Variants in NIPAL3 observed in about 807,000 individuals in gnomAD.
NIPAL3 encodes the protein NIPA like domain containing 3.
NIPAL3 carries 41 observed loss-of-function variants against 47.2 expected under a neutral mutation model. The observed-to-expected ratio is 0.87, with a 90% CI of 0.68 to 1.13. NIPAL3 has a LOEUF of 1.13. NIPAL3 is among the 50% of genes most tolerant of loss of function. NIPAL3 has a pLI of 0.00. For missense variants in NIPAL3, 449 were observed against 530.1 expected, an observed-to-expected ratio of 0.85 and a Z score of 1.50; for synonymous variants, 194 against 209.6, an observed-to-expected ratio of 0.93 and a Z score of 0.64.
At position 24,451,034 on chromosome 1, in the gene NIPAL3, GTGGCCT is replaced by G. The variant is rs1169235672; in HGVS notation, c.540+1410_540+1415del. Reference sequence around the variant, plus strand: ...AAGCCCAAGACTTCCTAAGTGCTGTGTGGCCTTAGCCAAGTCGCTTTCCTTCTCTGT... The same window carrying G: ...AAGCCCAAGACTTCCTAAGTGCTGTGTAGCCAAGTCGCTTTCCTTCTCTGT... On this transcript the variant is annotated intron_variant, in intron 6 of 11. Coordinates refer to ENST00000374399, the MANE Select transcript of NIPAL3 (RefSeq NM_020448.5). The surrounding 1 kb of genome is among the most constrained non-coding windows in gnomAD (Gnocchi z 4.5). Among the ~76,000 whole-genome samples the G allele has an allele frequency of 6.6e-6, 1 of 152,252 alleles. No homozygotes were observed. Among genetic ancestry groups the G allele is most frequent in the East Asian group, 1.9e-4 (1 of 5,200 alleles).
In NIPAL3 at chr1:24,416,419, G is replaced by T. The variant is rs1644038127; in HGVS notation, c.-258+515G>T. ...ACCTCCAGAAGCCAGATCGTCGGGTGGTGGGAAAGAGCGTGTTTTATTGAT... is the reference window on the plus strand; with the variant it reads ...ACCTCCAGAAGCCAGATCGTCGGGTTGTGGGAAAGAGCGTGTTTTATTGAT... On this transcript the variant is annotated intron_variant, in intron 1 of 11. Transcript: ENST00000374399. This position sits in a 1 kb window ranked among gnomAD's most constrained non-coding sequence, Gnocchi z 4.8. The T allele has an allele frequency of 1.2e-6, 1 of 804,576 alleles. No individual in the cohort carries two copies. Among genetic ancestry groups the T allele is most frequent in the Non-Finnish European group, 1.5e-6 (1 of 664,782 alleles). 49.8% of individuals were successfully genotyped at this position (804,576 alleles called of 1,614,324 possible).
chr1:24,416,144 A>G lies in NIPAL3; in HGVS notation c.-258+240A>G, dbSNP rs923165018. 6.5e-5 allele frequency: 64 copies of G among 985,472 alleles called. No homozygotes were observed. The Middle Eastern group carries it at 2.1e-3, about 32-fold the overall frequency. 61.0% of individuals were successfully genotyped at this position (985,472 alleles called of 1,614,324 possible). ...GATGCCAGGCTCTACCAAACCAGGA[A>G]GTGACATGGAGTTAACTTTGCCAGA... On this transcript the variant is annotated intron_variant, in intron 1 of 11. Transcript: ENST00000374399. The surrounding 1 kb of genome is among the most constrained non-coding windows in gnomAD (Gnocchi z 4.8).
intron 2 of NIPAL3, among the ~76,000 whole-genome samples, chr1:24,435,850 T>C (rs1645078027): frequency 6.6e-6 from 1 of 152,124 alleles, no homozygotes; most frequent in South Asian, 2.1e-4. Flanking sequence ...TGTAACAAAA[T>C]ACCATAAACT....
chr1:24,422,623 A>C (rs1644384429), intron 2 of NIPAL3, among the ~76,000 whole-genome samples: 1 of 152,182 alleles, frequency 6.6e-6, no homozygotes, highest in Admixed American at 6.5e-5. Flanking sequence ...GGTAAATCAG[A>C]TAATCAGCCA....
In NIPAL3 at chr1:24,454,416, G is replaced by A; in HGVS notation, c.637+912G>A. On this transcript the variant is annotated intron_variant, in intron 7 of 11. Transcript: ENST00000374399. This position sits in a 1 kb window ranked among gnomAD's most constrained non-coding sequence, Gnocchi z 4.1. Reference sequence around the variant, plus strand: ...ACATCCAAGTCACGGAAGGGAGTGGGGGTTAAATGAGATGTGCACAGGTGG... The same window carrying A: ...ACATCCAAGTCACGGAAGGGAGTGGAGGTTAAATGAGATGTGCACAGGTGG... The A allele has an allele frequency of 9.7e-7, 1 of 1,030,314 alleles. No homozygotes were observed. Among genetic ancestry groups the A allele is most frequent in the South Asian group, 3.5e-5 (1 of 28,910 alleles). The allele number at this position is 1,030,314 out of a possible 1,614,324, so 63.8% of individuals were successfully genotyped here.
chr1:24,452,138 G>T (rs1227438335), intron 6 of NIPAL3, among the ~76,000 whole-genome samples: 1 of 152,206 alleles, frequency 6.6e-6, no homozygotes, highest in Non-Finnish European at 1.5e-5. Context: ...TTCTGCTTTA[G>T]TTGCACTGGG....
chr1:24,448,318 C>T (rs1225951121), intron 5 of NIPAL3, among the ~76,000 whole-genome samples: 3 of 152,144 alleles, frequency 2.0e-5, no homozygotes, highest in Admixed American at 2.0e-4. Context: ...TTTTCACCAA[C>T]CTTACAGAGT....
intron 2 of NIPAL3, among the ~76,000 whole-genome samples, chr1:24,428,299 A>T (rs34745558): frequency 6.9e-6 from 1 of 145,012 alleles, no homozygotes; most frequent in Non-Finnish European, 1.5e-5. Context: ...AGAGAGAGAG[A>T]GAGACACCAG....
Position 24,469,993 on chromosome 1 carries a change from A to T in NIPAL3, c.*808A>T, listed in dbSNP as rs1475370173. On this transcript the variant is annotated 3_prime_UTR_variant, in exon 12 of 12. Coordinates refer to ENST00000374399, the MANE Select transcript of NIPAL3 (RefSeq NM_020448.5). ...AGGTGATTGCACCACTTAAAAAAGGATAGGTAGAAAATCTGGCCATTTTAT... is the reference window on the plus strand; with the variant it reads ...AGGTGATTGCACCACTTAAAAAAGGTTAGGTAGAAAATCTGGCCATTTTAT... 6.6e-6 allele frequency: 1 copy of T among 152,198 alleles called. No individual in the cohort carries two copies. The highest frequency in any genetic ancestry group is 1.5e-5 in the Non-Finnish European group (1 of 68,036). 9.4% of individuals were successfully genotyped at this position (152,198 alleles called of 1,614,324 possible).
intron 1 of NIPAL3, among the ~76,000 whole-genome samples, chr1:24,417,843 A>G (rs1644131472): frequency 1.3e-5 from 2 of 152,274 alleles, no homozygotes; most frequent in African/African-American, 2.4e-5. Flanking sequence ...TGGAAGCTAC[A>G]GGATACACAG....
At position 24,451,393 on chromosome 1, in the gene NIPAL3, AT is replaced by A. The variant is rs1308779712; in HGVS notation, c.540+1771del. 1.3e-5 allele frequency among the ~76,000 whole-genome samples: 2 copies of A among 152,170 alleles called. No homozygotes were observed. Among genetic ancestry groups the A allele is most frequent in the African/African-American group, 4.8e-5 (2 of 41,446 alleles). ...AATGTCCAGTGCTATTCCAGTGTTC[AT>A]TTTAGAATCATGGAGAACGGGCCAC... On this transcript the variant is annotated intron_variant, in intron 6 of 11. Transcript: ENST00000374399. The surrounding 1 kb of genome is among the most constrained non-coding windows in gnomAD (Gnocchi z 4.5).
chr1:24,455,605 GC>G (rs968779587), intron 7 of NIPAL3, among the ~76,000 whole-genome samples: 3 of 152,018 alleles, frequency 2.0e-5, no homozygotes, highest in African/African-American at 4.8e-5. Flanking sequence ...GGTAGCTTGA[GC>G]CCAAGAATTC....
At chr1:24,441,737 A>C (rs1645395659) in intron 3 of NIPAL3, among the ~76,000 whole-genome samples, 1 of 152,142 alleles carries the variant, frequency 6.6e-6, no homozygotes, top group South Asian at 2.1e-4. Flanking sequence ...ATTGCCTGTG[A>C]CGTGCATTAG....
intron 8 of NIPAL3, 22 bp downstream of exon 8, chr1:24,456,295 T>G (rs1353926363): frequency 1.2e-6 from 2 of 1,614,134 alleles, no homozygotes; most frequent in East Asian, 4.5e-5. Flanking sequence ...ATCCTTTTCC[T>G]GCTGGGCCCT....
intron 11 of NIPAL3, chr1:24,465,523 G>GGCTCTCA (rs1646661103): frequency 6.6e-6 from 1 of 152,286 alleles, no homozygotes; most frequent in South Asian, 2.1e-4. Flanking sequence ...TTGTGGGTGT[G>GGCTCTCA]GCTCTCAGCT....
At chr1:24,456,430 T>C (rs930299957) in intron 8 of NIPAL3, among the ~76,000 whole-genome samples, 157 bp downstream of exon 8, 2 of 152,108 alleles carry the variant, frequency 1.3e-5, no homozygotes, top group Admixed American at 1.3e-4. Flanking sequence ...TGCTGAGTTG[T>C]CACCTGGAGG....
intron 3 of NIPAL3, 83 bp downstream of exon 3, chr1:24,440,323 T>A: frequency 9.2e-7 from 1 of 1,090,674 alleles, no homozygotes; most frequent in Non-Finnish European, 1.3e-6. Context: ...AGCTGCCTCC[T>A]CTCTGCAGGG....
chr1:24,445,240 T>C lies in NIPAL3; in HGVS notation c.390T>C (p.Phe130=), dbSNP rs771896782. The change falls in exon 5 of 12, where the codon TTT becomes TTC. Residue 130 remains phenylalanine, a synonymous_variant. Transcript: ENST00000374399. ...AGGAAAAGTGGAAACCGAAAGACTTTCTGAGTAAGTTCAGTGATTTGAGCT... is the reference window on the plus strand; with the variant it reads ...AGGAAAAGTGGAAACCGAAAGACTTCCTGAGTAAGTTCAGTGATTTGAGCT... ...FIKEKWKPKD[F]LRRYVLSFVG... is the part of the protein sequence containing the mutation. The C allele has an allele frequency of 6.2e-7, 1 of 1,603,192 alleles. No individual in the cohort carries two copies. Among genetic ancestry groups the C allele is most frequent in the Non-Finnish European group, 8.5e-7 (1 of 1,170,068 alleles).
At chr1:24,447,936 T>C (rs1362737289) in intron 5 of NIPAL3, among the ~76,000 whole-genome samples, 1 of 152,234 alleles carries the variant, frequency 6.6e-6, no homozygotes, top group Non-Finnish European at 1.5e-5. Context: ...GGAGTTCCAT[T>C]ACATTCAGCA....
Sources: allele counts gnomAD v4.1 joint callset (sites outside exome capture counted in the v4.1 genomes callset), GRCh38; gene constraint gnomAD v4.1.1; non-coding constraint Gnocchi (gnomAD v3.1); transcripts MANE v1.5; gene names NCBI Gene and HGNC (gene_info 2026-07-23, HGNC 2026-07-21).